Variants in VPS26C observed in about 807,000 individuals in gnomAD.
VPS26C encodes vacuolar protein sorting-associated protein 26C.
Under a neutral mutation model 30.6 loss-of-function variants are expected in VPS26C, and 19 were observed. The observed-to-expected ratio is 0.62, with a 90% confidence interval of 0.43 to 0.91. VPS26C has a LOEUF of 0.91. Ranked by LOEUF, VPS26C falls within the 40% of genes least tolerant of loss-of-function variation. VPS26C has a pLI of 0.00. For synonymous variants in VPS26C, 132 were observed against 151.5 expected (o/e 0.87, Z 0.95); for missense variants, 318 against 385.1 (o/e 0.83, Z 1.46).
At chr21:37,240,936 G>A (rs2086080805) in intron 1 of VPS26C, among the ~76,000 whole-genome samples, 1 of 152,244 alleles carries the variant, frequency 6.6e-6, no homozygotes, top group Non-Finnish European at 1.5e-5. Context: ...AATCTCAACA[G>A]ATGTCTGAAT....
chr21:37,229,798 G>C (rs982987970), intron 5 of VPS26C, among the ~76,000 whole-genome samples: 2 of 152,150 alleles, frequency 1.3e-5, no homozygotes, highest in Non-Finnish European at 2.9e-5. Context: ...TGAAAAGCCC[G>C]GGACTCTGGA....
At chr21:37,236,459 G>T (rs1173120667) in intron 3 of VPS26C, among the ~76,000 whole-genome samples, 2 of 152,144 alleles carry the variant, frequency 1.3e-5, no homozygotes. Flanking sequence ...TATGAATCAA[G>T]AATTAATCAA....
intron 2 of VPS26C, 66 bp downstream of exon 2, chr21:37,240,430 C>A: frequency 6.3e-7 from 1 of 1,577,084 alleles, no homozygotes; most frequent in South Asian, 1.2e-5. Context: ...TGGCCCTGAG[C>A]CACTGCGCCC....
intron 1 of VPS26C, among the ~76,000 whole-genome samples, chr21:37,242,988 C>T (rs549856407): frequency 9.2e-5 from 14 of 152,110 alleles, no homozygotes; most frequent in Non-Finnish European, 1.8e-4. Context: ...TATTCAACTC[C>T]TACCAATGAA....
chr21:37,253,605 A>G (rs2835684), intron 1 of VPS26C, among the ~76,000 whole-genome samples: 72,811 of 152,078 alleles, frequency 0.48, 18,889 homozygotes, highest in African/African-American at 0.67. Context: ...TATATGCAGG[A>G]TCTTTAGCAG....
At chr21:37,240,848 C>T (rs1169642170) in intron 1 of VPS26C, among the ~76,000 whole-genome samples, 4 of 152,162 alleles carry the variant, frequency 2.6e-5, no homozygotes, top group African/African-American at 4.8e-5. Context: ...ACACACCTGA[C>T]GGGGAGCACC....
intron 1 of VPS26C, among the ~76,000 whole-genome samples, chr21:37,248,661 CT>C (rs1221498058): frequency 6.7e-6 from 1 of 150,090 alleles, no homozygotes; most frequent in Non-Finnish European, 1.5e-5. Context: ...CTGAATTTTT[CT>C]GTGTGAAGAA....
chr21:37,260,809 G>A (rs559557440), intron 1 of VPS26C, among the ~76,000 whole-genome samples: 10 of 152,298 alleles, frequency 6.6e-5, no homozygotes, highest in African/African-American at 2.4e-4. Context: ...AAGTAATGGT[G>A]GGTGCAATGT....
rs535159904 is a variant in VPS26C at position 37,258,820 on chromosome 21, T to G, written c.57+8418A>C. On this transcript the variant is annotated intron_variant, in intron 1 of 7. Transcript: ENST00000309117. The stretch of plus-strand genomic sequence containing the variant: ...ACACGCCGCGGTGGTCAAGCAGGCT[T>G]TACCATGCTCAGGCGCAGGCTGGTA... 2.0e-5 allele frequency among the ~76,000 whole-genome samples: 3 copies of G among 152,270 alleles called. No homozygotes were observed. In the South Asian group the frequency reaches 6.2e-4, roughly 32 times the overall value.
chr21:37,231,008 A>G (rs1347115601), intron 5 of VPS26C, among the ~76,000 whole-genome samples: 3 of 152,208 alleles, frequency 2.0e-5, no homozygotes, highest in Non-Finnish European at 4.4e-5. Context: ...TCAGGAGACA[A>G]GCTGCCTACA....
At chr21:37,258,258 C>T (rs73220527) in intron 1 of VPS26C, among the ~76,000 whole-genome samples, 3,606 of 152,354 alleles carry the variant, frequency 0.024, 69 homozygotes, top group Non-Finnish European at 0.038. Flanking sequence ...TTTCCTGATC[C>T]GCGCTGCAGT....
upstream of VPS26C, chr21:37,267,392 T>G (rs2086379749): frequency 1.8e-6 from 2 of 1,119,190 alleles, no homozygotes; most frequent in African/African-American, 1.5e-5. Context: ...CCCCTTTCCC[T>G]CTCTGCCGGC....
chr21:37,267,925 C>A (rs1169419555), upstream of VPS26C: 2 of 153,166 alleles, frequency 1.3e-5, no homozygotes, highest in East Asian at 1.9e-4. Context: ...CCCGCGGGAG[C>A]GGTTCCGGTC....
Position 37,232,365 on chromosome 21 carries a change from A to G in VPS26C, c.507+12T>C, listed in dbSNP as rs1386086474. On this transcript the variant is annotated intron_variant, in intron 5 of 7. Coordinates refer to ENST00000309117, the MANE Select transcript of VPS26C (RefSeq NM_006052.2). ...AGATACCCACGGCATTCGCCTGTGC[A>G]GGACGTCTTACCTCTTTGACGTTCT... The G allele has an allele frequency of 1.9e-6, 3 of 1,613,126 alleles. No homozygotes were observed. The highest frequency in any genetic ancestry group is 2.7e-5 in the African/African-American group (2 of 74,928).
intron 1 of VPS26C, among the ~76,000 whole-genome samples, chr21:37,263,488 C>T (rs78302718): frequency 1.7e-3 from 254 of 152,282 alleles, no homozygotes; most frequent in Non-Finnish European, 3.1e-3. Flanking sequence ...TCCAATTAGT[C>T]GGGTGAAGTT....
At chr21:37,258,787 G>C (rs2086274372) in intron 1 of VPS26C, among the ~76,000 whole-genome samples, 1 of 152,142 alleles carries the variant, frequency 6.6e-6, no homozygotes, top group African/African-American at 2.4e-5. Flanking sequence ...GACCTGTCCA[G>C]TATCGAAACA....
chr21:37,252,499 T>G (rs1164895694), intron 1 of VPS26C, among the ~76,000 whole-genome samples: 1 of 152,190 alleles, frequency 6.6e-6, no homozygotes, highest in African/African-American at 2.4e-5. Context: ...TCATTTAAAC[T>G]GAGATACTCC....
At chr21:37,258,932 T>G (rs1259498793) in intron 1 of VPS26C, among the ~76,000 whole-genome samples, 1 of 152,242 alleles carries the variant, frequency 6.6e-6, no homozygotes, top group African/African-American at 2.4e-5. Flanking sequence ...CGGATAATTC[T>G]GAAAATGCTT....
In VPS26C at chr21:37,227,732, C is replaced by A; in HGVS notation, c.733G>T (p.Gly245Cys). The change falls in exon 7 of 8, where the codon GGC becomes TGC. Residue 245 changes from glycine to cysteine, a missense_variant. Gly to Cys is a radical substitution (Grantham distance 159). Transcript: ENST00000309117. ...ACCATGTAGATGGGGACAGAGAGGC[C>A]CCTGCACACATCCCCGTCGGCGATC... is the stretch of plus-strand genomic sequence containing the variant. ...IQIADGDVCR[G>C]LSVPIYMVFP... 1.2e-6 allele frequency: 2 copies of A among 1,614,184 alleles called. No individual in the cohort carries two copies. Among genetic ancestry groups the A allele is most frequent in the Non-Finnish European group, 1.7e-6 (2 of 1,180,024 alleles).
Sources: gnomAD v4.1 joint callset for allele counts (sites outside exome capture counted in the v4.1 genomes callset) on GRCh38, gnomAD v4.1.1 for gene constraint, MANE v1.5 for transcripts, NCBI Gene and HGNC (gene_info 2026-07-23, HGNC 2026-07-21) for gene names.